The following LYRM1 variants were observed in gnomAD, a reference collection of about 807,000 sequenced individuals.
LYRM1 encodes LYR motif-containing protein 1.
Under a neutral mutation model 14.9 loss-of-function variants are expected in LYRM1, and 14 were observed. The observed-to-expected ratio is 0.94, with a 90% CI of 0.62 to 1.47. LYRM1 has a LOEUF of 1.47. Ranked by LOEUF, LYRM1 falls within the 40% of genes most tolerant of loss-of-function variation. The pLI, the probability that LYRM1 is intolerant of heterozygous loss-of-function variation, is 0.00. For synonymous variants in LYRM1, 43 were observed against 56.2 expected, an observed-to-expected ratio of 0.77 and a Z score of 1.05; for missense variants, 153 against 149.9, an observed-to-expected ratio of 1.02 and a Z score of -0.11.
At chr16:20,903,242 C>T (rs778647045) in intron 1 of LYRM1, among the ~76,000 whole-genome samples, 2 of 152,158 alleles carry the variant, frequency 1.3e-5, no homozygotes, top group Non-Finnish European at 2.9e-5. Context: ...TTGAAAAATC[C>T]GACAATCTGA....
chr16:20,923,150 C>T (rs964933167), intron 3 of LYRM1, among the ~76,000 whole-genome samples: 1 of 152,134 alleles, frequency 6.6e-6, no homozygotes, highest in Non-Finnish European at 1.5e-5. Flanking sequence ...CTCACAGATA[C>T]ACCTAGAAAT....
chr16:20,906,419 A>G (rs1288491430), intron 1 of LYRM1, among the ~76,000 whole-genome samples: 1 of 152,224 alleles, frequency 6.6e-6, no homozygotes, highest in African/African-American at 2.4e-5. Flanking sequence ...AAAAAATCAT[A>G]AAGTACTTGG....
chr16:20,916,063 G>GTTT (rs1179391062), intron 2 of LYRM1, among the ~76,000 whole-genome samples: 5 of 97,554 alleles, frequency 5.1e-5, no homozygotes, highest in South Asian at 3.4e-4. Context: ...CAGGAAAGTG[G>GTTT]TTTTTTGTTG....
chr16:20,911,285 G>A (rs1441178816), intron 1 of LYRM1: 1 of 152,176 alleles, frequency 6.6e-6, no homozygotes, highest in Non-Finnish European at 1.5e-5. Context: ...ATATTGGAAA[G>A]AGAAATTCTC....
intron 1 of LYRM1, among the ~76,000 whole-genome samples, chr16:20,902,033 C>T (rs991941802): frequency 6.6e-6 from 1 of 152,190 alleles, no homozygotes; most frequent in African/African-American, 2.4e-5. Flanking sequence ...ATCGCTTGAA[C>T]CCGGGAGGTG....
chr16:20,919,330 A>C (rs972413434), intron 2 of LYRM1, among the ~76,000 whole-genome samples: 1 of 152,146 alleles, frequency 6.6e-6, no homozygotes, highest in Non-Finnish European at 1.5e-5. Context: ...TTTAATCAAC[A>C]TGAGGGGGGT....
At chr16:20,903,925 T>C (rs2106450) in intron 1 of LYRM1, among the ~76,000 whole-genome samples, 106,290 of 151,364 alleles carry the variant, frequency 0.7, 37,791 homozygotes, top group Non-Finnish European at 0.74. Context: ...TCTCAGACTT[T>C]TCGATTTGAT....
intron 1 of LYRM1, among the ~76,000 whole-genome samples, chr16:20,902,945 G>A (rs1232939460): frequency 7.2e-5 from 11 of 152,126 alleles, no homozygotes; most frequent in Non-Finnish European, 1.6e-4. Flanking sequence ...CTGCTGCCAA[G>A]CCCACCACAA....
At chr16:20,902,105 C>T (rs2082094305) in intron 1 of LYRM1, among the ~76,000 whole-genome samples, 1 of 152,112 alleles carries the variant, frequency 6.6e-6, no homozygotes, top group Non-Finnish European at 1.5e-5. Context: ...AGTGAGACTC[C>T]GTCTTAAGAA....
intron 1 of LYRM1, 66 bp from the exon 2 acceptor site, chr16:20,915,490 C>G (rs958254891): frequency 3.7e-5 from 51 of 1,384,944 alleles, no homozygotes; most frequent in Non-Finnish European, 5.1e-5. Context: ...GTACATCTGC[C>G]TGGTGCCTCC....
intron 1 of LYRM1, among the ~76,000 whole-genome samples, chr16:20,913,362 G>GA (rs2082703048): frequency 6.7e-6 from 1 of 150,084 alleles, no homozygotes; most frequent in Non-Finnish European, 1.5e-5. Context: ...GCCCAGGCTG[G>GA]AATACAGTGG....
At chr16:20,909,694 T>C (rs1230770451) in intron 1 of LYRM1, among the ~76,000 whole-genome samples, 3 of 152,198 alleles carry the variant, frequency 2.0e-5, no homozygotes, top group Non-Finnish European at 4.4e-5. Flanking sequence ...TCTAAATAAG[T>C]TGCTTTCTAG....
chr16:20,924,413 G>A lies in LYRM1; in HGVS notation c.*297G>A. The A allele has an allele frequency of 4.5e-6, 1 of 220,194 alleles. No individual in the cohort carries two copies. The highest frequency in any genetic ancestry group is 9.0e-6 in the Non-Finnish European group (1 of 111,078). 13.6% of individuals were successfully genotyped at this position (220,194 alleles called of 1,614,324 possible). ...CGGAAGGATGTAAGAGCTGTTCATG[G>A]GAATTCCATTCACCACACATGCCAG... On this transcript the variant is annotated 3_prime_UTR_variant, in exon 4 of 4. Transcript: ENST00000567954.
At chr16:20,920,930 T>TA (rs1203528584) in intron 3 of LYRM1, among the ~76,000 whole-genome samples, 3 of 89,034 alleles carry the variant, frequency 3.4e-5, no homozygotes. Context: ...AAATTTAAAA[T>TA]AAAAAAATTA....
chr16:20,919,034 C>T (rs1233092559), intron 2 of LYRM1, among the ~76,000 whole-genome samples: 1 of 152,178 alleles, frequency 6.6e-6, no homozygotes. Flanking sequence ...GCTTTGAAGT[C>T]CACTTGCAAA....
chr16:20,916,712 G>C (rs558346085), intron 2 of LYRM1, among the ~76,000 whole-genome samples: 1 of 152,290 alleles, frequency 6.6e-6, no homozygotes, highest in South Asian at 2.1e-4. Flanking sequence ...TTCTACAGGA[G>C]TGCCTCCCCT....
intron 2 of LYRM1, among the ~76,000 whole-genome samples, chr16:20,918,134 TCA>T (rs2083000548): frequency 6.6e-6 from 1 of 152,316 alleles, no homozygotes; most frequent in Admixed American, 6.5e-5. Flanking sequence ...GCTTCAGGTA[TCA>T]GAGTTGTTCT....
intron 2 of LYRM1, among the ~76,000 whole-genome samples, chr16:20,919,759 G>A (rs942882206): frequency 1.3e-5 from 2 of 152,198 alleles, no homozygotes; most frequent in African/African-American, 4.8e-5. Context: ...GCTATTGTTT[G>A]TGTGAGAAAA....
rs2083376084 is a variant in LYRM1, at chr16:20,924,888, C to T, written c.*772C>T. The T allele has an allele frequency of 6.6e-6, 1 of 152,144 alleles. No homozygotes were observed. Among genetic ancestry groups the T allele is most frequent in the African/African-American group, 2.4e-5 (1 of 41,420 alleles). 9.4% of individuals were successfully genotyped at this position (152,144 alleles called of 1,614,324 possible). A position where few individuals can be genotyped will look rare whatever the true frequency, so the allele number is the denominator to read the frequency against. ...ACTTGAAAATAGAAGGGATTTATTC[C>T]ACCCCTGCAAGGGTAGAGTCAGGTG... On this transcript the variant is annotated 3_prime_UTR_variant, in exon 4 of 4. Transcript: ENST00000567954.
Sources: gnomAD v4.1 joint callset for allele counts (sites outside exome capture counted in the v4.1 genomes callset) on GRCh38, gnomAD v4.1.1 for gene constraint, MANE v1.5 for transcripts, NCBI Gene and HGNC (gene_info 2026-07-23, HGNC 2026-07-21) for gene names.